The following NEDD9 variants were observed in gnomAD, a reference collection of about 807,000 sequenced individuals.
The protein encoded by NEDD9 is enhancer of filamentation 1.
Under a neutral mutation model 76.6 loss-of-function variants are expected in NEDD9, and 26 were observed. That is an observed-to-expected ratio of 0.34 (90% confidence interval 0.25 to 0.47). The LOEUF is 0.47. Among genes scored for constraint, NEDD9 ranks in the 20% least tolerant of loss-of-function variants. The probability of loss-of-function intolerance (pLI) is 1.00; values close to 1 mark genes in which losing one functional copy is unlikely to be tolerated. For missense variants in NEDD9, 937 were observed against 1,058.5 expected, an observed-to-expected ratio of 0.89 and a Z score of 1.59; for synonymous variants, 392 against 414.2, an observed-to-expected ratio of 0.95 and a Z score of 0.65.
intron 1 of NEDD9, among the ~76,000 whole-genome samples, chr6:11,348,990 C>T (rs1762414120): frequency 6.6e-6 from 1 of 152,144 alleles, no homozygotes; most frequent in Non-Finnish European, 1.5e-5. Context: ...AACAGACGAC[C>T]TACAGAATGG....
intron 3 of NEDD9, among the ~76,000 whole-genome samples, chr6:11,300,269 A>G (rs1425465612): frequency 6.6e-6 from 1 of 152,234 alleles, no homozygotes; most frequent in Non-Finnish European, 1.5e-5. Flanking sequence ...TCAGTGATTG[A>G]AGATCAAATT....
intron 3 of NEDD9, among the ~76,000 whole-genome samples, chr6:11,280,476 C>T (rs1240637958): frequency 6.6e-6 from 1 of 152,178 alleles, no homozygotes; most frequent in Non-Finnish European, 1.5e-5. Context: ...AGTGGCTGGC[C>T]CCCACCATGG....
chr6:11,193,851 G>A (rs990811752), intron 2 of NEDD9, among the ~76,000 whole-genome samples, 159 bp from the exon 3 acceptor site: 33 of 151,260 alleles, frequency 2.2e-4, no homozygotes, highest in Non-Finnish European at 2.5e-4. Flanking sequence ...TAGACACCAC[G>A]TTAGTAAACT....
chr6:11,363,978 A>G (rs1762720601), intron 1 of NEDD9, among the ~76,000 whole-genome samples: 1 of 152,196 alleles, frequency 6.6e-6, no homozygotes, highest in South Asian at 2.1e-4. Flanking sequence ...TGCTGTCTCA[A>G]TCCTGCTTGC....
chr6:11,274,080 C>G (rs80056894), intron 3 of NEDD9, among the ~76,000 whole-genome samples: 2,343 of 152,194 alleles, frequency 0.015, 31 homozygotes, highest in Non-Finnish European at 0.027. Flanking sequence ...TTTTTCCACT[C>G]TCTCTCCCTC....
intron 3 of NEDD9, among the ~76,000 whole-genome samples, chr6:11,292,506 A>C (rs1760801020): frequency 6.6e-6 from 1 of 152,168 alleles, no homozygotes; most frequent in Non-Finnish European, 1.5e-5. Flanking sequence ...TTGCAGGCCC[A>C]ATGACTCTTC....
intron 3 of NEDD9, among the ~76,000 whole-genome samples, chr6:11,244,008 T>C (rs1270774877): frequency 6.6e-6 from 1 of 152,204 alleles, no homozygotes; most frequent in Non-Finnish European, 1.5e-5. Context: ...GGAGATAACA[T>C]TTAAATCAGT....
intron 1 of NEDD9, among the ~76,000 whole-genome samples, chr6:11,362,970 T>C (rs533212458): frequency 6.6e-6 from 1 of 152,338 alleles, no homozygotes; most frequent in Non-Finnish European, 1.5e-5. Context: ...TACAACCATA[T>C]GGCAATCTGC....
chr6:11,279,720 C>T (rs549239749), intron 3 of NEDD9, among the ~76,000 whole-genome samples: 2 of 152,184 alleles, frequency 1.3e-5, no homozygotes, highest in Admixed American at 6.5e-5. Flanking sequence ...GTTGAGAAGC[C>T]GGGGCCAGGC....
chr6:11,316,637 T>C (rs1489935719), intron 2 of NEDD9, among the ~76,000 whole-genome samples: 1 of 152,172 alleles, frequency 6.6e-6, no homozygotes, highest in African/African-American at 2.4e-5. Flanking sequence ...ACACTGAAAA[T>C]AGTCACTAAT....
chr6:11,319,806 G>C (rs1233682354), intron 2 of NEDD9, among the ~76,000 whole-genome samples: 2 of 149,180 alleles, frequency 1.3e-5, no homozygotes, highest in Admixed American at 1.3e-4. Context: ...TCACACACTG[G>C]TGCACACTTG....
intron 1 of NEDD9, among the ~76,000 whole-genome samples, chr6:11,229,535 C>A (rs1373643824): frequency 6.6e-6 from 1 of 152,128 alleles, no homozygotes; most frequent in African/African-American, 2.4e-5. Flanking sequence ...AGGGAGCCTT[C>A]ACTGGGTAAG....
intron 3 of NEDD9, among the ~76,000 whole-genome samples, chr6:11,243,650 C>A (rs1315417592): frequency 1.3e-5 from 2 of 152,334 alleles, no homozygotes; most frequent in African/African-American, 4.8e-5. Context: ...AAGCAGTGGG[C>A]TCTTCTGGTT....
chr6:11,321,457 T>C (rs1452015403), intron 2 of NEDD9, among the ~76,000 whole-genome samples: 1 of 152,206 alleles, frequency 6.6e-6, no homozygotes, highest in Non-Finnish European at 1.5e-5. Context: ...TACAATTGCT[T>C]GCAAACAAGT....
Position 11,227,172 on chromosome 6 carries a change from A to G in NEDD9, c.12+5332T>C, listed in dbSNP as rs140787296. Among the ~76,000 whole-genome samples the G allele has an allele frequency of 1.3e-3, 200 of 152,342 alleles. No homozygotes were observed. The Middle Eastern group carries it at 0.027, about 21-fold the overall frequency. On this transcript the variant is annotated intron_variant, in intron 1 of 6. Transcript: ENST00000379446. ...TGGGGTCATATGCTGTTAGGGCCCT[A>G]TGCTTACAATACACATCCAGGCCCA...
intron 1 of NEDD9, among the ~76,000 whole-genome samples, chr6:11,228,412 C>T (rs574601611): frequency 3.9e-4 from 59 of 152,090 alleles, no homozygotes; most frequent in Non-Finnish European, 7.4e-4. Context: ...CACCTGTAAT[C>T]CCAGCTACTC....
chr6:11,312,204 C>G (rs142817941), intron 2 of NEDD9, among the ~76,000 whole-genome samples: 3 of 152,252 alleles, frequency 2.0e-5, no homozygotes, highest in African/African-American at 7.2e-5. Flanking sequence ...CTCCACCTCT[C>G]CAAAAGACAC....
chr6:11,366,298 A>AAGGAAG (rs1439789755), intron 1 of NEDD9, among the ~76,000 whole-genome samples: 1 of 94,918 alleles, frequency 1.1e-5, no homozygotes, highest in Non-Finnish European at 2.2e-5. Context: ...AAGGAAGGAA[A>AAGGAAG]GAAAGAAAGA....
At chr6:11,224,465 TG>T (rs1264998926) in intron 1 of NEDD9, among the ~76,000 whole-genome samples, 1 of 152,164 alleles carries the variant, frequency 6.6e-6, no homozygotes, top group Non-Finnish European at 1.5e-5. Context: ...ACTGGACTTC[TG>T]CCCCAGGGGA....
Sources: gnomAD v4.1 joint callset for allele counts (sites outside exome capture counted in the v4.1 genomes callset) on GRCh38, gnomAD v4.1.1 for gene constraint, MANE v1.5 for transcripts, NCBI Gene and HGNC (gene_info 2026-07-23, HGNC 2026-07-21) for gene names.